The following SYT1 variants were observed in gnomAD, a reference collection of about 807,000 sequenced individuals.
The protein encoded by SYT1 is synaptotagmin-1.
SYT1 carries 8 observed loss-of-function variants against 44.8 expected under a neutral mutation model. That is an observed-to-expected ratio of 0.18 (90% CI 0.10 to 0.32). The LOEUF (loss-of-function observed/expected upper bound fraction) is 0.32, where lower values mean the gene tolerates loss of function less well. Among genes scored for constraint, SYT1 ranks in the 10% least tolerant of loss-of-function variants. The pLI is 1.00. For missense variants in SYT1, 286 were observed against 509.3 expected, an observed-to-expected ratio of 0.56 and a Z score of 4.22; for synonymous variants, 154 against 188.8, an observed-to-expected ratio of 0.82 and a Z score of 1.51.
rs75244425 is a variant in SYT1 at position 79,148,059 on chromosome 12, C to T, written c.-17-69444C>T. ...AGATTTCTAAGCAAATAAAATCTCA[C>T]GCATCAAAAAGACAAAAAGTTTGTG... is the stretch of plus-strand genomic sequence containing the variant. On this transcript the variant is annotated intron_variant, in intron 3 of 10. Transcript: ENST00000261205. 3.4e-3 allele frequency among the ~76,000 whole-genome samples: 522 copies of T among 152,106 alleles called. 16 individuals carry two copies. In the East Asian group the frequency reaches 0.083, roughly 24 times the overall value.
Position 79,145,749 on chromosome 12 carries a change from T to TTTGTTTG in SYT1, c.-17-71752_-17-71751insGTTTGTT, listed in dbSNP as rs1052593831. Among the ~76,000 whole-genome samples, 11 of 145,006 alleles carry TTTGTTTG rather than the reference T, an allele frequency of 7.6e-5. No individual in the cohort carries two copies. In the East Asian group the frequency reaches 2.0e-3, roughly 26 times the overall value. Reference sequence around the variant, plus strand: ...TTTAAACATAGTGGTTTTTTTTTTTTTTTGTTTGTTTGTTTGTTTGTTTTT... The same window carrying TTTGTTTG: ...TTTAAACATAGTGGTTTTTTTTTTTTTTGTTTGTTTGTTTGTTTGTTTGTTTGTTTTT... On this transcript the variant is annotated intron_variant, in intron 3 of 10. Coordinates refer to ENST00000261205, the MANE Select transcript of SYT1 (RefSeq NM_005639.3).
intron 1 of SYT1, among the ~76,000 whole-genome samples, chr12:78,891,253 G>T (rs1592529757): frequency 1.3e-5 from 2 of 151,728 alleles, no homozygotes; most frequent in African/African-American, 4.8e-5. Flanking sequence ...ACTTTTACAT[G>T]CTTTTTCTCA....
At chr12:79,031,671 G>A (rs1315509945) in intron 2 of SYT1, among the ~76,000 whole-genome samples, 1 of 151,054 alleles carries the variant, frequency 6.6e-6, no homozygotes, top group Non-Finnish European at 1.5e-5. Flanking sequence ...TAAAAGAAAA[G>A]CAAAGGCATG....
At chr12:78,914,122 A>G (rs998579020) in intron 1 of SYT1, among the ~76,000 whole-genome samples, 3 of 151,838 alleles carry the variant, frequency 2.0e-5, no homozygotes, top group African/African-American at 7.2e-5. Flanking sequence ...TATTCTTTTG[A>G]TCACCTATCA....
At chr12:79,123,309 A>ATGTGTG (rs66869713) in intron 3 of SYT1, among the ~76,000 whole-genome samples, 4,006 of 141,570 alleles carry the variant, frequency 0.028, 64 homozygotes, top group East Asian at 0.08. Flanking sequence ...TAAAAATGCA[A>ATGTGTG]TGTGTGTGTG....
intron 6 of SYT1, among the ~76,000 whole-genome samples, chr12:79,293,910 C>T (rs1416383821): frequency 6.6e-6 from 1 of 152,116 alleles, no homozygotes; most frequent in African/African-American, 2.4e-5. Flanking sequence ...GTGGTCATTT[C>T]TATCACTTCT....
chr12:78,915,614 T>C (rs1160631342), intron 1 of SYT1, among the ~76,000 whole-genome samples: 2 of 152,044 alleles, frequency 1.3e-5, no homozygotes, highest in Non-Finnish European at 2.9e-5. Context: ...TCTATAGATG[T>C]ATTGAATGGT....
At chr12:79,229,304 C>T (rs1030923350) in intron 4 of SYT1, among the ~76,000 whole-genome samples, 5 of 152,160 alleles carry the variant, frequency 3.3e-5, no homozygotes, top group African/African-American at 1.2e-4. Flanking sequence ...GCAAACAGTG[C>T]GGTTCTTGTG....
chr12:79,266,029 G>T (rs983573582), intron 4 of SYT1, among the ~76,000 whole-genome samples: 1 of 152,146 alleles, frequency 6.6e-6, no homozygotes, highest in Non-Finnish European at 1.5e-5. Flanking sequence ...TATTTTTTAA[G>T]TGTACCACTT....
At chr12:79,297,359 C>T (rs910274498) in intron 7 of SYT1, among the ~76,000 whole-genome samples, 67 of 152,012 alleles carry the variant, frequency 4.4e-4, no homozygotes, top group African/African-American at 5.1e-4. Flanking sequence ...TACTACGAAA[C>T]GTAAAATGGA....
intron 3 of SYT1, among the ~76,000 whole-genome samples, chr12:79,209,120 C>T (rs565913320): frequency 5.9e-5 from 9 of 152,280 alleles, no homozygotes; most frequent in African/African-American, 2.2e-4. Context: ...AGCTCTCATC[C>T]ATAGTGACAG....
chr12:78,950,489 CT>C (rs2137292406), intron 1 of SYT1, among the ~76,000 whole-genome samples: 1 of 152,100 alleles, frequency 6.6e-6, no homozygotes, highest in Admixed American at 6.6e-5. Context: ...CTGCCAGGGA[CT>C]TTTTCATATA....
chr12:79,441,926 T>G (rs920074712), intron 9 of SYT1, among the ~76,000 whole-genome samples: 1 of 152,222 alleles, frequency 6.6e-6, no homozygotes, highest in Admixed American at 6.5e-5. Flanking sequence ...ACTTTCCTGA[T>G]CAACCTTTTT....
At chr12:79,309,166 C>A (rs954359311) in intron 8 of SYT1, among the ~76,000 whole-genome samples, 4 of 152,194 alleles carry the variant, frequency 2.6e-5, no homozygotes, top group African/African-American at 9.6e-5. Context: ...CTGCAGCTAT[C>A]CTGGTGTTCC....
At chr12:79,342,242 G>GT (rs1200929490) in intron 8 of SYT1, among the ~76,000 whole-genome samples, 2 of 151,668 alleles carry the variant, frequency 1.3e-5, no homozygotes, top group Non-Finnish European at 2.9e-5. Flanking sequence ...TTGATGTTTT[G>GT]TTTTTTAGAG....
chr12:78,961,260 C>T (rs1358837203), intron 1 of SYT1, among the ~76,000 whole-genome samples: 2 of 151,928 alleles, frequency 1.3e-5, no homozygotes, highest in Non-Finnish European at 2.9e-5. Flanking sequence ...CCCCACCTAC[C>T]CACTGGCTAA....
intron 9 of SYT1, among the ~76,000 whole-genome samples, chr12:79,356,178 C>G (rs2464284): frequency 6.6e-6 from 1 of 150,860 alleles, no homozygotes; most frequent in Non-Finnish European, 1.5e-5. Context: ...CTGGGAGAGA[C>G]AACAGATACC....
rs937928531 is a variant in SYT1, at chr12:79,174,002, G to C, written c.-17-43501G>C. 2.0e-5 allele frequency among the ~76,000 whole-genome samples: 3 copies of C among 152,172 alleles called. No individual in the cohort carries two copies. The South Asian group carries it at 6.2e-4, about 32-fold the overall frequency. On this transcript the variant is annotated intron_variant, in intron 3 of 10. Transcript: ENST00000261205. ...GAAACCAGTATCTGTGTCAGTCTAGGAGGAGTAAAGAAGGGAAAATAATGA... is the reference window on the plus strand; with the variant it reads ...GAAACCAGTATCTGTGTCAGTCTAGCAGGAGTAAAGAAGGGAAAATAATGA...
chr12:79,149,829 T>C (rs1870155814), intron 3 of SYT1, among the ~76,000 whole-genome samples: 1 of 152,144 alleles, frequency 6.6e-6, no homozygotes, highest in Non-Finnish European at 1.5e-5. Context: ...TAATAGACCA[T>C]AAACTCTACA....
Sources: allele counts gnomAD v4.1 joint callset (sites outside exome capture counted in the v4.1 genomes callset), GRCh38; gene constraint gnomAD v4.1.1; transcripts MANE v1.5; gene names NCBI Gene and HGNC (gene_info 2026-07-23, HGNC 2026-07-21).